PPP1R37: variants seen among roughly 807,000 people sequenced by gnomAD.
PPP1R37 encodes leucine rich repeat containing 68.
In PPP1R37, 21 loss-of-function variants were observed where a neutral mutation model predicts 61.0. The observed-to-expected ratio is 0.34, with a 90% CI of 0.24 to 0.50. PPP1R37 has a LOEUF of 0.50. Ranked by LOEUF, PPP1R37 falls within the 20% of genes least tolerant of loss-of-function variation. PPP1R37 has a pLI of 0.98. For missense variants in PPP1R37, 910 were observed against 952.7 expected (o/e 0.96, Z 0.59); for synonymous variants, 443 against 433.5 (o/e 1.02, Z -0.27).
chr19:45,128,493 C>T, intron 1 of PPP1R37: 1 of 837,022 alleles, frequency 1.2e-6, no homozygotes, highest in Non-Finnish European at 1.8e-6. Context: ...GGCCCAGAGG[C>T]AGCGGTTGGG....
intron 1 of PPP1R37, among the ~76,000 whole-genome samples, chr19:45,094,762 T>C (rs544697940): frequency 1.3e-4 from 19 of 151,416 alleles, no homozygotes; most frequent in African/African-American, 4.6e-4. Context: ...GGGGATGTTA[T>C]CAAGTCAGAA....
Position 45,142,442 on chromosome 19 carries a change from C to T in PPP1R37, c.858C>T (p.Asn286=), listed in dbSNP as rs748915388. The T allele has an allele frequency of 6.5e-7, 1 of 1,536,082 alleles. No homozygotes were observed. Among genetic ancestry groups the T allele is most frequent in the East Asian group, 2.4e-5 (1 of 40,904 alleles). Reference sequence around the variant, plus strand: ...TGCAGATCCTGGACCTCCGGAACAACCACGTGCTAGACTCGGGTGGGTGCA... The same window carrying T: ...TGCAGATCCTGGACCTCCGGAACAATCACGTGCTAGACTCGGGTGGGTGCA... ...CSLQILDLRN[N]HVLDSGLAYI... The change falls in exon 7 of 13, where the codon AAC becomes AAT. Residue 286 remains asparagine, a synonymous_variant. Transcript: ENST00000221462.
intron 1 of PPP1R37, among the ~76,000 whole-genome samples, chr19:45,106,897 C>T (rs1312167929): frequency 4.9e-5 from 7 of 142,878 alleles, no homozygotes; most frequent in African/African-American, 7.9e-5. Context: ...GCTCACTGCA[C>T]GCTCCGCCTC....
At chr19:45,128,940 CA>C in intron 1 of PPP1R37, 1 of 745,570 alleles carries the variant, frequency 1.3e-6, no homozygotes, top group Non-Finnish European at 2.4e-6. Flanking sequence ...AGGAGATGAG[CA>C]AAAGTACCGC....
At chr19:45,119,888 G>A (rs987452829) in intron 1 of PPP1R37, among the ~76,000 whole-genome samples, 1 of 152,318 alleles carries the variant, frequency 6.6e-6, no homozygotes, top group African/African-American at 2.4e-5. Flanking sequence ...TTTAGGGGCT[G>A]CCAGGAAGCC....
At chr19:45,099,021 T>C (rs191231811) in intron 1 of PPP1R37, among the ~76,000 whole-genome samples, 4 of 152,310 alleles carry the variant, frequency 2.6e-5, no homozygotes, top group African/African-American at 9.6e-5. Flanking sequence ...CATAGGGTGA[T>C]TGGGAGGATT....
rs546534256 is a variant in PPP1R37, at chr19:45,135,779, C to CTTT, written c.203-2718_203-2716dup. 3.1e-3 allele frequency among the ~76,000 whole-genome samples: 395 copies of CTTT among 128,804 alleles called. 2 individuals are homozygous for CTTT. Among genetic ancestry groups the CTTT allele is most frequent in the African/African-American group, 0.012 (382 of 33,200 alleles). The allele number at this position is 128,804 out of a possible 152,430, so 84.5% of individuals were successfully genotyped here. ...GATAGTTCCTCCAATTTTGCATTTC[C>CTTT]TTTTTTTTTTTTTTTTTTTGGAAAT... On this transcript the variant is annotated intron_variant, in intron 1 of 12. Coordinates refer to ENST00000221462, the MANE Select transcript of PPP1R37 (RefSeq NM_019121.2).
chr19:45,117,629 T>A (rs1968286558), intron 1 of PPP1R37, among the ~76,000 whole-genome samples: 1 of 152,134 alleles, frequency 6.6e-6, no homozygotes, highest in Non-Finnish European at 1.5e-5. Context: ...CACCAGGTCT[T>A]CTGTGTGCCT....
chr19:45,101,838 T>C (rs1968067694), intron 1 of PPP1R37, among the ~76,000 whole-genome samples: 1 of 152,246 alleles, frequency 6.6e-6, no homozygotes, highest in Admixed American at 6.5e-5. Context: ...GCCCGGAGGC[T>C]GTAGGCTTGG....
At chr19:45,135,062 A>G (rs1288271716) in intron 1 of PPP1R37, among the ~76,000 whole-genome samples, 1 of 152,172 alleles carries the variant, frequency 6.6e-6, no homozygotes, top group Admixed American at 6.5e-5. Flanking sequence ...AGCCTGACCA[A>G]CGTGGTGAAA....
intron 1 of PPP1R37, among the ~76,000 whole-genome samples, chr19:45,120,836 A>G (rs546693852): frequency 1.3e-5 from 2 of 151,782 alleles, no homozygotes; most frequent in East Asian, 1.9e-4. Flanking sequence ...CTGGTCTCCA[A>G]CTCCTGACCT....
chr19:45,138,376 A>G (rs368200416), intron 1 of PPP1R37, 138 bp from the exon 2 acceptor site: 52 of 641,200 alleles, frequency 8.1e-5, no homozygotes, highest in East Asian at 6.9e-4. Flanking sequence ...GAAAGGGAGG[A>G]CAGAGCTCAG....
chr19:45,126,308 C>A (rs969653562), intron 1 of PPP1R37, among the ~76,000 whole-genome samples: 5 of 152,152 alleles, frequency 3.3e-5, no homozygotes, highest in African/African-American at 1.2e-4. Flanking sequence ...GGGACAGGGG[C>A]CCTTCCTGTG....
intron 1 of PPP1R37, among the ~76,000 whole-genome samples, chr19:45,101,098 C>G (rs752772832): frequency 6.6e-6 from 1 of 152,200 alleles, no homozygotes; most frequent in Non-Finnish European, 1.5e-5. Flanking sequence ...GAGGGAGACA[C>G]ACAGTAAAGA....
At chr19:45,120,700 G>A (rs1376147321) in intron 1 of PPP1R37, among the ~76,000 whole-genome samples, 1 of 152,098 alleles carries the variant, frequency 6.6e-6, no homozygotes, top group African/African-American at 2.4e-5. Flanking sequence ...CTGTCTCATT[G>A]CAACATCCGC....
chr19:45,116,309 C>G (rs1968266666), intron 1 of PPP1R37, among the ~76,000 whole-genome samples: 1 of 152,202 alleles, frequency 6.6e-6, no homozygotes, highest in Non-Finnish European at 1.5e-5. Context: ...GCGCCCTTCA[C>G]TGGAGTGGGC....
At chr19:45,144,491 A>T (rs1362372719) in intron 8 of PPP1R37, 1 of 252,570 alleles carries the variant, frequency 4.0e-6, no homozygotes, top group Non-Finnish European at 7.5e-6. Flanking sequence ...TCAGGTACAG[A>T]GACTCTCAGG....
intron 1 of PPP1R37, among the ~76,000 whole-genome samples, chr19:45,113,999 T>C (rs951529659): frequency 5.3e-5 from 8 of 152,242 alleles, no homozygotes; most frequent in African/African-American, 1.7e-4. Context: ...CGGGGGCTGC[T>C]GAGGCGTTGG....
chr19:45,143,362 G>T (rs1348279580), intron 7 of PPP1R37, 159 bp from the exon 8 acceptor site: 1 of 567,994 alleles, frequency 1.8e-6, no homozygotes, highest in African/African-American at 1.9e-5. Context: ...ACAGATGTGT[G>T]CCCAGGGGTG....
Sources: gnomAD v4.1 joint callset for allele counts (sites outside exome capture counted in the v4.1 genomes callset) on GRCh38, gnomAD v4.1.1 for gene constraint, MANE v1.5 for transcripts, NCBI Gene and HGNC (gene_info 2026-07-23, HGNC 2026-07-21) for gene names.